The following IRAK2 variants were observed in gnomAD, a reference collection of about 807,000 sequenced individuals.
IRAK2 encodes interleukin 1 receptor associated kinase 2.
A neutral mutation model predicts 72.0 loss-of-function variants in IRAK2; 57 were observed. The observed-to-expected ratio is 0.79, with a 90% confidence interval of 0.64 to 0.99. The LOEUF (loss-of-function observed/expected upper bound fraction) is 0.99, where lower values mean the gene tolerates loss of function less well. IRAK2 is among the 50% of genes least tolerant of loss of function. IRAK2 has a pLI of 0.00. For missense variants in IRAK2, 790 were observed against 794.4 expected, an observed-to-expected ratio of 0.99 and a Z score of 0.07; for synonymous variants, 293 against 312.7, an observed-to-expected ratio of 0.94 and a Z score of 0.67.
At chr3:10,206,492 G>C (rs1318837645) in intron 3 of IRAK2, among the ~76,000 whole-genome samples, 1 of 152,250 alleles carries the variant, frequency 6.6e-6, no homozygotes, top group Non-Finnish European at 1.5e-5. Context: ...CATGTTATCA[G>C]CTATCTGTGT....
intron 4 of IRAK2, among the ~76,000 whole-genome samples, chr3:10,212,412 CT>C (rs960400942): frequency 6.6e-6 from 1 of 152,056 alleles, no homozygotes; most frequent in Admixed American, 6.6e-5. Flanking sequence ...TTGGACACCC[CT>C]GGTTTGGTTA....
chr3:10,211,200 C>G (rs1346545916), intron 4 of IRAK2, among the ~76,000 whole-genome samples: 1 of 151,348 alleles, frequency 6.6e-6, no homozygotes, highest in Non-Finnish European at 1.5e-5. Context: ...CTCTGTTGCC[C>G]AGGCTGTCTC....
At chr3:10,182,227 C>G (rs1334673395) in intron 2 of IRAK2, among the ~76,000 whole-genome samples, 1 of 151,916 alleles carries the variant, frequency 6.6e-6, no homozygotes, top group Non-Finnish European at 1.5e-5. Context: ...CCTTGGCCTC[C>G]CAAAGTGCTG....
intron 2 of IRAK2, among the ~76,000 whole-genome samples, chr3:10,180,937 C>A (rs1185056331): frequency 6.6e-6 from 1 of 151,996 alleles, no homozygotes; most frequent in Non-Finnish European, 1.5e-5. Flanking sequence ...GCCCTCCTGT[C>A]TGGGGTCGGG....
chr3:10,234,742 G>T, intron 11 of IRAK2, 83 bp downstream of exon 11: 2 of 1,214,810 alleles, frequency 1.6e-6, no homozygotes, highest in South Asian at 1.3e-5. Context: ...CAGAGGCCTG[G>T]TGCACAAACC....
intron 10 of IRAK2, among the ~76,000 whole-genome samples, chr3:10,228,376 G>T (rs890046891): frequency 2.0e-5 from 3 of 152,018 alleles, no homozygotes; most frequent in Non-Finnish European, 4.4e-5. Flanking sequence ...ACCCCTTTTG[G>T]GCAGTCAATC....
chr3:10,225,533 C>T (rs571721519), intron 9 of IRAK2, among the ~76,000 whole-genome samples: 5 of 152,206 alleles, frequency 3.3e-5, no homozygotes, highest in African/African-American at 9.6e-5. Flanking sequence ...GCTCCTTCTG[C>T]GAGTGGATGC....
intron 8 of IRAK2, among the ~76,000 whole-genome samples, chr3:10,220,464 C>T (rs532355033): frequency 1.4e-4 from 22 of 151,850 alleles, no homozygotes; most frequent in African/African-American, 3.6e-4. Context: ...TTTTTTGAGA[C>T]GGAGTTTCAC....
intron 10 of IRAK2, among the ~76,000 whole-genome samples, chr3:10,231,989 T>C (rs998049577): frequency 6.6e-6 from 1 of 151,998 alleles, no homozygotes. Flanking sequence ...TAGCCGGGCA[T>C]GGTGGCGGGT....
At chr3:10,184,761 G>A (rs1241377370) in intron 2 of IRAK2, among the ~76,000 whole-genome samples, 1 of 120,078 alleles carries the variant, frequency 8.3e-6, no homozygotes, top group Non-Finnish European at 1.6e-5. Flanking sequence ...ACGGAGCCTT[G>A]CTCTGTCGCC....
Position 10,238,558 on chromosome 3 carries a change from A to G in IRAK2, c.1474-190A>G, listed in dbSNP as rs138213461. 5.9e-4 allele frequency among the ~76,000 whole-genome samples: 90 copies of G among 152,312 alleles called. 2 individuals carry two copies. In the East Asian group the frequency reaches 0.015, roughly 25 times the overall value. ...TGCCCATGTTGGGTCACGCCGTCTC[A>G]TCTATGACAGGGCGGTTGGTGGGCA... On this transcript the variant is annotated intron_variant, in intron 11 of 12. Coordinates refer to ENST00000256458, the MANE Select transcript of IRAK2 (RefSeq NM_001570.4).
chr3:10,197,023 T>C (rs560652905), intron 2 of IRAK2, among the ~76,000 whole-genome samples: 39 of 152,184 alleles, frequency 2.6e-4, no homozygotes, highest in African/African-American at 8.9e-4. Flanking sequence ...GTGTAAATAA[T>C]GCATAATGAT....
intron 1 of IRAK2, among the ~76,000 whole-genome samples, chr3:10,175,776 G>C (rs995574200): frequency 1.3e-5 from 2 of 151,134 alleles, no homozygotes; most frequent in African/African-American, 4.9e-5. Flanking sequence ...TGTAGTCCCA[G>C]CTACTCGGGA....
At chr3:10,201,620 G>A (rs6442159) in intron 3 of IRAK2, among the ~76,000 whole-genome samples, 69,791 of 152,148 alleles carry the variant, frequency 0.46, 16,555 homozygotes, top group African/African-American at 0.56. Flanking sequence ...TGTCTCCGTC[G>A]CCTGTGCCCA....
intron 2 of IRAK2, among the ~76,000 whole-genome samples, chr3:10,195,665 AGAAG>A (rs1697251528): frequency 6.6e-6 from 1 of 151,984 alleles, no homozygotes; most frequent in Non-Finnish European, 1.5e-5. Context: ...TCCGACAAGG[AGAAG>A]GTGCCTCATT....
intron 1 of IRAK2, among the ~76,000 whole-genome samples, chr3:10,167,106 T>A (rs1377728431): frequency 1.3e-5 from 2 of 150,378 alleles, no homozygotes; most frequent in Non-Finnish European, 3.0e-5. Flanking sequence ...AAAAAAAAAA[T>A]AAAGCTTTAC....
intron 2 of IRAK2, among the ~76,000 whole-genome samples, chr3:10,198,476 G>T (rs980130434): frequency 6.6e-6 from 1 of 152,186 alleles, no homozygotes; most frequent in East Asian, 1.9e-4. Context: ...GCCCTAGCTG[G>T]GTGGGAGACA....
intron 3 of IRAK2, among the ~76,000 whole-genome samples, chr3:10,205,809 G>A (rs956432075): frequency 2.6e-5 from 4 of 152,358 alleles, no homozygotes; most frequent in Non-Finnish European, 1.5e-5. Flanking sequence ...AAACCGTCAG[G>A]TGACTCATAG....
chr3:10,199,981 C>T (rs892648514), intron 2 of IRAK2, among the ~76,000 whole-genome samples: 13 of 151,598 alleles, frequency 8.6e-5, no homozygotes, highest in East Asian at 1.9e-4. Context: ...TCCGCCTCCC[C>T]GGTTCAAGTG....
Sources: gnomAD v4.1 joint callset for allele counts (sites outside exome capture counted in the v4.1 genomes callset) on GRCh38, gnomAD v4.1.1 for gene constraint, MANE v1.5 for transcripts, NCBI Gene and HGNC (gene_info 2026-07-23, HGNC 2026-07-21) for gene names.